The following STYX variants were observed in gnomAD, a reference collection of about 807,000 sequenced individuals.
The protein encoded by STYX is serine/threonine/tyrosine-interacting protein.
STYX carries 20 observed loss-of-function variants against 42.7 expected under a neutral mutation model. That is an observed-to-expected ratio of 0.47 (90% CI 0.33 to 0.68). STYX has a LOEUF of 0.68. STYX is among the 30% of genes least tolerant of loss of function. STYX has a pLI of 0.02. For synonymous variants in STYX, 78 were observed against 81.9 expected (o/e 0.95, Z 0.26); for missense variants, 226 against 268.5 (o/e 0.84, Z 1.11).
chr14:52,759,667 T>C lies in STYX; in HGVS notation c.432-15T>C, dbSNP rs1434820799. On this transcript the variant is annotated splice_polypyrimidine_tract_variant and intron_variant, in intron 8 of 10. Coordinates refer to ENST00000354586, the MANE Select transcript of STYX (RefSeq NM_145251.4). ...AAATAATGCTATCACATTAACACTC[T>C]TTTTCTGTTTTCAGAGATGCTTTTG... 6.4e-7 allele frequency: 1 copy of C among 1,557,164 alleles called. No individual in the cohort carries two copies. The highest frequency in any genetic ancestry group is 8.8e-7 in the Non-Finnish European group (1 of 1,131,136).
At position 52,735,468 on chromosome 14, in the gene STYX, T is replaced by C. The variant is rs115045455; in HGVS notation, c.57+4937T>C. 9.2e-3 allele frequency among the ~76,000 whole-genome samples: 1,404 copies of C among 152,198 alleles called. 23 individuals carry two copies. Among genetic ancestry groups the C allele is most frequent in the African/African-American group, 0.032 (1,342 of 41,522 alleles). On this transcript the variant is annotated intron_variant, in intron 1 of 10. Transcript: ENST00000354586. ...GTTGGTAGCCCTCCCACCAAAACCA[T>C]AGGAACATTTCCACAGGTAGAGGGT...
At chr14:52,745,847 TAGG>T (rs1407895848) in intron 2 of STYX, among the ~76,000 whole-genome samples, 1 of 152,144 alleles carries the variant, frequency 6.6e-6, no homozygotes, top group Admixed American at 6.5e-5. Context: ...TACTTGGTGT[TAGG>T]AGGAATGCAA....
At chr14:52,763,540 TTA>T (rs1882183122) in intron 9 of STYX, among the ~76,000 whole-genome samples, 1 of 152,226 alleles carries the variant, frequency 6.6e-6, no homozygotes, top group Non-Finnish European at 1.5e-5. Context: ...TGCATTATTT[TTA>T]TGTTATAGCT....
rs1305058912 is a variant in STYX, at chr14:52,746,155, A to C, written c.91-271A>C. Among the ~76,000 whole-genome samples the C allele has an allele frequency of 3.9e-5, 6 of 152,284 alleles. No homozygotes were observed. The East Asian group carries it at 9.6e-4, about 24-fold the overall frequency. ...TATAGATAATAGTTTTAGGTCAGGC[A>C]CAGGAGTTCATGTCTGTAATTCCAG... On this transcript the variant is annotated intron_variant, in intron 2 of 10. Coordinates refer to ENST00000354586, the MANE Select transcript of STYX (RefSeq NM_145251.4).
chr14:52,767,304 T>A (rs1882342126), intron 9 of STYX, among the ~76,000 whole-genome samples: 1 of 152,120 alleles, frequency 6.6e-6, no homozygotes, highest in Non-Finnish European at 1.5e-5. Context: ...CCTGCCAAAG[T>A]CCCCACATTA....
intron 1 of STYX, among the ~76,000 whole-genome samples, chr14:52,739,617 C>A (rs985051488): frequency 1.9e-5 from 2 of 105,848 alleles, no homozygotes; most frequent in Non-Finnish European, 2.1e-5. Context: ...AAACTGTTTT[C>A]TTTTTCCTTT....
rs192997514 is a variant in STYX at position 52,774,857 on chromosome 14, C to G, written c.*3751C>G. ...AGTTACTCTGCTTTTAACATTTGTA[C>G]TTGGATAAAATGCTTATGTCTGTAT... On this transcript the variant is annotated 3_prime_UTR_variant, in exon 11 of 11. Transcript: ENST00000354586. 1 of 152,078 alleles carries G rather than the reference C, an allele frequency of 6.6e-6. No individual in the cohort carries two copies. The highest frequency in any genetic ancestry group is 2.4e-5 in the African/African-American group (1 of 41,414). 9.4% of individuals were successfully genotyped at this position (152,078 alleles called of 1,614,324 possible).
chr14:52,762,070 G>C (rs1882116903), intron 9 of STYX, among the ~76,000 whole-genome samples: 1 of 151,706 alleles, frequency 6.6e-6, no homozygotes, highest in Admixed American at 6.6e-5. Flanking sequence ...AATAGAGATA[G>C]GGTTTTGCCA....
At position 52,757,375 on chromosome 14, in the gene STYX, C is replaced by T; in HGVS notation, c.340+20C>T. The T allele has an allele frequency of 1.3e-6, 2 of 1,581,904 alleles. No individual in the cohort carries two copies. Among genetic ancestry groups the T allele is most frequent in the African/African-American group, 1.3e-5 (1 of 74,298 alleles). ...TGGGAGGTAAATAACATTTCCTTTC[C>T]TTAACTAATGTTTATATTTTGATTA... On this transcript the variant is annotated intron_variant, in intron 6 of 10. Coordinates refer to ENST00000354586, the MANE Select transcript of STYX (RefSeq NM_145251.4).
At chr14:52,761,694 A>G (rs9972121) in intron 9 of STYX, among the ~76,000 whole-genome samples, 2 of 144,432 alleles carry the variant, frequency 1.4e-5, no homozygotes, top group Non-Finnish European at 3.0e-5. Flanking sequence ...TCAGCCTCCC[A>G]AGTAGCTGGG....
intron 5 of STYX, 48 bp downstream of exon 5, chr14:52,756,659 TGACTTCTTAGTTGTGC>T: frequency 1.2e-6 from 1 of 846,726 alleles, no homozygotes. Context: ...ATTTATGATT[TGACTTCTTAGTTGTGC>T]TTTTTTTTTT....
At position 52,759,705 on chromosome 14, in the gene STYX, AAAG is replaced by A; in HGVS notation, c.460_462del (p.Arg154del). ...AGAGATGCTTTTGCTTATGTTCAAG[AAAG>A]AAGATTTTGTATTAATCCTAATGCT... On this transcript the variant is annotated inframe_deletion, in exon 9 of 11. Transcript: ENST00000354586. The A allele has an allele frequency of 6.2e-7, 1 of 1,611,288 alleles. No homozygotes were observed. Among genetic ancestry groups the A allele is most frequent in the Non-Finnish European group, 8.5e-7 (1 of 1,178,422 alleles).
chr14:52,774,168 T>C lies in STYX; in HGVS notation c.*3062T>C, dbSNP rs1882627612. ...GCTACCAACTCAACCACTTAACTTT[T>C]AGAGCAGTTTTGGGGAGAGTTTATG... is the stretch of plus-strand genomic sequence containing the variant. On this transcript the variant is annotated 3_prime_UTR_variant, in exon 11 of 11. Transcript: ENST00000354586. The C allele has an allele frequency of 6.6e-6, 1 of 152,184 alleles. No individual in the cohort carries two copies. Among genetic ancestry groups the C allele is most frequent in the African/African-American group, 2.4e-5 (1 of 41,456 alleles). 9.4% of individuals were successfully genotyped at this position (152,184 alleles called of 1,614,324 possible). A position where few individuals can be genotyped will look rare whatever the true frequency, so the allele number is the denominator to read the frequency against.
At chr14:52,759,294 G>GT (rs1388402281) in intron 8 of STYX, among the ~76,000 whole-genome samples, 2 of 151,970 alleles carry the variant, frequency 1.3e-5, no homozygotes, top group Admixed American at 6.6e-5. Flanking sequence ...TAATTTTTAA[G>GT]TTTTTTGTAG....
chr14:52,732,503 G>A (rs993634080), intron 1 of STYX, among the ~76,000 whole-genome samples: 1 of 151,746 alleles, frequency 6.6e-6, no homozygotes, highest in Non-Finnish European at 1.5e-5. Flanking sequence ...TCAAACTCCT[G>A]ACCTTGTGAT....
chr14:52,744,921 T>C, intron 2 of STYX, 37 bp downstream of exon 2: 1 of 1,603,578 alleles, frequency 6.2e-7, no homozygotes, highest in Non-Finnish European at 8.5e-7. Context: ...CCAACCCATG[T>C]TATTATCATA....
chr14:52,745,625 A>C (rs948562404), intron 2 of STYX, among the ~76,000 whole-genome samples: 4 of 152,242 alleles, frequency 2.6e-5, no homozygotes, highest in Admixed American at 2.6e-4. Flanking sequence ...GATCAAATTG[A>C]ATACTTTCAG....
Position 52,771,037 on chromosome 14 carries a change from T to A in STYX, c.603T>A (p.Ser201Arg). 6.2e-7 allele frequency: 1 copy of A among 1,612,520 alleles called. No individual in the cohort carries two copies. The highest frequency in any genetic ancestry group is 1.1e-5 in the South Asian group (1 of 90,942). The change falls in exon 11 of 11, where the codon AGT becomes AGA. Residue 201 changes from serine to arginine, a missense_variant. Transcript: ENST00000354586. ...SLSVHSGTTG[S>R]LKRTHEEEDD... ...TCTTCATGCAATAACTTTTAGGCAG[T>A]TTGAAGAGAACACATGAAGAAGAGG... is the stretch of plus-strand genomic sequence containing the variant.
intron 1 of STYX, among the ~76,000 whole-genome samples, chr14:52,743,051 C>T (rs927349617): frequency 6.6e-6 from 1 of 151,950 alleles, no homozygotes; most frequent in African/African-American, 2.4e-5. Context: ...CCGCCTCAGC[C>T]TCCCAAAGTG....
Sources: allele counts gnomAD v4.1 joint callset (sites outside exome capture counted in the v4.1 genomes callset), GRCh38; gene constraint gnomAD v4.1.1; transcripts MANE v1.5; gene names NCBI Gene and HGNC (gene_info 2026-07-23, HGNC 2026-07-21).